ZNF43: variants seen among roughly 807,000 people sequenced by gnomAD.
ZNF43 encodes the protein zinc finger protein 43, also known as zinc finger protein 39-like 1 (KOX 27).
ZNF43 carries 44 observed loss-of-function variants against 68.4 expected under a neutral mutation model. The ratio of observed to expected loss-of-function variants is 0.64; its 90% CI spans 0.51 to 0.83. ZNF43 has a LOEUF of 0.83. Ranked by LOEUF, ZNF43 falls within the 40% of genes least tolerant of loss-of-function variation. ZNF43 has a pLI of 0.00. For synonymous variants in ZNF43, 308 were observed against 307.8 expected, an observed-to-expected ratio of 1.00 and a Z score of -0.01; for missense variants, 896 against 933.2, an observed-to-expected ratio of 0.96 and a Z score of 0.52.
chr19:21,818,106 A>G, intron 2 of ZNF43, 120 bp from the exon 3 acceptor site: 1 of 866,372 alleles, frequency 1.2e-6, no homozygotes, highest in Non-Finnish European at 1.6e-6. Flanking sequence ...CAAAATACTA[A>G]TTTTTTTTTT....
At chr19:21,825,538 A>G (rs1312815232) in intron 1 of ZNF43, among the ~76,000 whole-genome samples, 1 of 152,156 alleles carries the variant, frequency 6.6e-6, no homozygotes, top group Admixed American at 6.5e-5. Flanking sequence ...CTCAAATCTC[A>G]AAACCCAGAA....
chr19:21,836,268 G>T, upstream of ZNF43: 1 of 1,363,524 alleles, frequency 7.3e-7, no homozygotes. Flanking sequence ...GTCCCTGATT[G>T]GATAACTTCT....
intron 1 of ZNF43, among the ~76,000 whole-genome samples, chr19:21,835,651 G>A (rs1210576245): frequency 6.6e-6 from 1 of 151,932 alleles, no homozygotes; most frequent in Non-Finnish European, 1.5e-5. Flanking sequence ...CACCGCGCCC[G>A]GCCGACTCTC....
intron 1 of ZNF43, among the ~76,000 whole-genome samples, chr19:21,829,382 T>C (rs1375871330): frequency 1.3e-5 from 2 of 152,352 alleles, no homozygotes; most frequent in South Asian, 2.1e-4. Flanking sequence ...AAGAAATTTA[T>C]TCAGTATTTT....
intron 1 of ZNF43, chr19:21,841,419 A>T (rs1967526617): frequency 6.6e-6 from 1 of 152,238 alleles, no homozygotes; most frequent in East Asian, 1.9e-4. Context: ...AAAGCAAGGC[A>T]CAGACAACAA....
At chr19:21,822,555 C>T (rs183936913) in intron 1 of ZNF43, among the ~76,000 whole-genome samples, 1 of 152,272 alleles carries the variant, frequency 6.6e-6, no homozygotes, top group African/African-American at 2.4e-5. Context: ...CCTGTAATCC[C>T]AGCACTTTGG....
At chr19:21,820,577 CA>C (rs372329413) in intron 1 of ZNF43, among the ~76,000 whole-genome samples, 77 of 118,564 alleles carry the variant, frequency 6.5e-4, no homozygotes, top group East Asian at 2.1e-3. Context: ...GACTCTGTCT[CA>C]AAAAAAAAAA....
At chr19:21,849,800 C>T (rs1968218932) in intron 1 of ZNF43, 2 of 152,078 alleles carry the variant, frequency 1.3e-5, no homozygotes, top group Non-Finnish European at 2.9e-5. Context: ...CAGGATAATA[C>T]TCATAACCCT....
chr19:21,807,555 G>C lies in ZNF43; in HGVS notation c.*52C>G. 6.9e-7 allele frequency: 1 copy of C among 1,445,152 alleles called. No individual in the cohort carries two copies. Among genetic ancestry groups the C allele is most frequent in the Non-Finnish European group, 9.2e-7 (1 of 1,083,240 alleles). 89.5% of individuals were successfully genotyped at this position (1,445,152 alleles called of 1,614,324 possible). ...ACCTACAATCAAGTGTGACAACCAT[G>C]TAAAGCCTTTATCACATTCTTTACA... On this transcript the variant is annotated 3_prime_UTR_variant, in exon 4 of 4. Coordinates refer to ENST00000354959, the MANE Select transcript of ZNF43 (RefSeq NM_003423.4).
Position 21,808,703 on chromosome 19 carries a change from T to C in ZNF43, c.1334A>G (p.Asn445Ser), listed in dbSNP as rs751659726. The C allele has an allele frequency of 3.1e-5, 50 of 1,613,156 alleles. No individual in the cohort carries two copies. Among genetic ancestry groups the C allele is most frequent in the Non-Finnish European group, 4.2e-5 (49 of 1,179,870 alleles). ...GGGTTTCTCTCCAGTATGAATTCTG[T>C]TATGTTTAGTAAGGGTTGAGGGCCA... ...FNWPSTLTKH[N>S]RIHTGEKPYK... is the part of the protein sequence containing the mutation. Residue 445 changes from asparagine (N) to serine (S), a missense_variant, in exon 4 of 4, where the codon AAC (asparagine) becomes AGC (serine). Transcript: ENST00000354959.
chr19:21,823,987 C>T (rs2037982180), intron 1 of ZNF43, among the ~76,000 whole-genome samples: 1 of 152,094 alleles, frequency 6.6e-6, no homozygotes, highest in African/African-American at 2.4e-5. Context: ...CAAGACCATC[C>T]TGGCTAACAC....
chr19:21,852,036 G>T, exon 1 of ZNF43: 1 of 1,327,862 alleles, frequency 7.5e-7, no homozygotes, highest in Non-Finnish European at 1.0e-6. Context: ...AAGCAGAGGC[G>T]GGTCCCAAGG....
upstream of ZNF43, chr19:21,840,795 C>T (rs1384146980): frequency 6.6e-6 from 1 of 152,174 alleles, no homozygotes; most frequent in Non-Finnish European, 1.5e-5. Flanking sequence ...ACAATTTGCT[C>T]TGAGACTTTT....
intron 3 of ZNF43, among the ~76,000 whole-genome samples, chr19:21,813,670 A>G (rs1156833691): frequency 6.6e-6 from 1 of 152,196 alleles, no homozygotes; most frequent in Non-Finnish European, 1.5e-5. Flanking sequence ...GGGCAAAATG[A>G]GCACTTGTTA....
At chr19:21,846,649 G>A (rs1967974349) in intron 1 of ZNF43, among the ~76,000 whole-genome samples, 1 of 152,018 alleles carries the variant, frequency 6.6e-6, no homozygotes, top group African/African-American at 2.4e-5. Flanking sequence ...TTGATGCTGG[G>A]TTCACCAATA....
chr19:21,824,732 T>TAAAAAAAAAAAA (rs34739856), intron 1 of ZNF43, among the ~76,000 whole-genome samples: 1 of 107,222 alleles, frequency 9.3e-6, no homozygotes, highest in Non-Finnish European at 2.0e-5. Flanking sequence ...TATGTTTACC[T>TAAAAAAAAAAAA]AAAAAAAAAA....
At position 21,808,308 on chromosome 19, in the gene ZNF43, G is replaced by A. The variant is rs781049145; in HGVS notation, c.1729C>T (p.Gln577Ter). The A allele has an allele frequency of 1.9e-6, 3 of 1,612,426 alleles. No individual in the cohort carries two copies. Among genetic ancestry groups the A allele is most frequent in the Non-Finnish European group, 8.5e-7 (1 of 1,179,632 alleles). The change falls in exon 4 of 4, where the codon CAA becomes TAA. Residue 577 changes from glutamine (Q) to a stop codon, truncating the protein, a stop_gained. Transcript: ENST00000354959. LOFTEE classifies it high-confidence loss of function. ...TTATGTGTAGTAAGGTTTGAGGATT[G>A]GGTAAAAGCTTTGCCACATTCTTCA... ...KCEECGKAFT[Q>*]SSNLTTHKKI...
At chr19:21,828,319 C>G (rs1326723378) in intron 1 of ZNF43, among the ~76,000 whole-genome samples, 1 of 152,210 alleles carries the variant, frequency 6.6e-6, no homozygotes, top group African/African-American at 2.4e-5. Context: ...GTGATTCATG[C>G]CTGTAATCCC....
intron 1 of ZNF43, among the ~76,000 whole-genome samples, chr19:21,847,802 G>A (rs542540678): frequency 6.6e-6 from 1 of 152,116 alleles, no homozygotes; most frequent in South Asian, 2.1e-4. Flanking sequence ...ACATCCCCTG[G>A]GTATTGGACC....
Sources: gnomAD v4.1 joint callset for allele counts (sites outside exome capture counted in the v4.1 genomes callset) on GRCh38, gnomAD v4.1.1 for gene constraint, MANE v1.5 for transcripts, NCBI Gene and HGNC (gene_info 2026-07-23, HGNC 2026-07-21) for gene names.